CCDC127: variants seen among roughly 807,000 people sequenced by gnomAD.
The protein encoded by CCDC127 is coiled-coil domain containing 127.
In CCDC127, 2 loss-of-function variants were observed where a neutral mutation model predicts 4.1. That is an observed-to-expected ratio of 0.49 (90% CI 0.20 to 1.53). The LOEUF is 1.53. Ranked by LOEUF, CCDC127 falls within the 40% of genes most tolerant of loss-of-function variation. The pLI is 0.23. For synonymous variants in CCDC127, 98 were observed against 120.4 expected (o/e 0.81, Z 1.22); for missense variants, 271 against 322.9 (o/e 0.84, Z 1.23).
At chr5:206,045 A>G in intron 2 of CCDC127, 87 bp from the exon 3 acceptor site, 1 of 1,240,750 alleles carries the variant, frequency 8.1e-7, no homozygotes, top group Non-Finnish European at 1.1e-6. Flanking sequence ...GCAGCTAAGG[A>G]TAGTGTTTCA....
rs1734017653 is a variant in CCDC127 at position 198,894 on chromosome 5, A to G, written c.*6403T>C. 1 of 152,284 alleles carries G rather than the reference A, an allele frequency of 6.6e-6. No individual in the cohort carries two copies. The highest frequency in any genetic ancestry group is 1.5e-5 in the Non-Finnish European group (1 of 68,056). The allele number at this position is 152,284 out of a possible 1,614,324, so 9.4% of individuals were successfully genotyped here. A position where few individuals can be genotyped will look rare whatever the true frequency, so the allele number is the denominator to read the frequency against. On this transcript the variant is annotated 3_prime_UTR_variant, in exon 3 of 3. Coordinates refer to ENST00000296824, the MANE Select transcript of CCDC127 (RefSeq NM_145265.3). ...TCCCACACAAGACAAGCTAGTGGGA[A>G]TCAGGCAAAACCATTCAGCAGGTGA...
chr5:216,299 G>T (rs1275270995), intron 2 of CCDC127: 4 of 223,664 alleles, frequency 1.8e-5, no homozygotes, highest in Non-Finnish European at 3.6e-5. Flanking sequence ...GCCTCGCAGA[G>T]TGCTGGGGTT....
At position 202,411 on chromosome 5, in the gene CCDC127, CCT is replaced by C. The variant is rs530910601; in HGVS notation, c.*2884_*2885del. 2.0e-5 allele frequency: 3 copies of C among 152,270 alleles called. No homozygotes were observed. The highest frequency in any genetic ancestry group is 4.8e-5 in the African/African-American group (2 of 41,438). 9.4% of individuals were successfully genotyped at this position (152,270 alleles called of 1,614,324 possible). A position where few individuals can be genotyped will look rare whatever the true frequency, so the allele number is the denominator to read the frequency against. ...GCCATCCTGGCCAACATGGTGAAAC[CCT>C]GTCTCTACTAAACATACAAAAATTA... is the stretch of plus-strand genomic sequence containing the variant. On this transcript the variant is annotated 3_prime_UTR_variant, in exon 3 of 3. Transcript: ENST00000296824.
rs1484153169 is a variant in CCDC127 at position 202,498 on chromosome 5, C to T, written c.*2799G>A. On this transcript the variant is annotated 3_prime_UTR_variant, in exon 3 of 3. Coordinates refer to ENST00000296824, the MANE Select transcript of CCDC127 (RefSeq NM_145265.3). ...TACTCGGGAGGCTGAGGCAGGCAAA[C>T]TACTCGAACCCGGGAGGCAGAGCTT... 1 of 152,286 alleles carries T rather than the reference C, an allele frequency of 6.6e-6. No individual in the cohort carries two copies. The highest frequency in any genetic ancestry group is 1.5e-5 in the Non-Finnish European group (1 of 68,142). The allele number at this position is 152,286 out of a possible 1,614,324, so 9.4% of individuals were successfully genotyped here. A position where few individuals can be genotyped will look rare whatever the true frequency, so the allele number is the denominator to read the frequency against.
At position 196,942 on chromosome 5, in the gene CCDC127, G is replaced by A. The variant is rs1311489568; in HGVS notation, c.*8355C>T. The A allele has an allele frequency of 1.4e-5, 1 of 73,612 alleles. No individual in the cohort carries two copies. The highest frequency in any genetic ancestry group is 3.6e-5 in the Non-Finnish European group (1 of 27,724). The allele number at this position is 73,612 out of a possible 1,614,324, so 4.6% of individuals were successfully genotyped here. The stretch of plus-strand genomic sequence containing the variant: ...GACCTGCACTGGCACCGGCCTCTGA[G>A]TTCCCTCAGTTTTTATTATTATTTT... On this transcript the variant is annotated 3_prime_UTR_variant, in exon 3 of 3. Transcript: ENST00000296824.
Position 200,844 on chromosome 5 carries a change from ACAGCAGGC to A in CCDC127, c.*4445_*4452del, listed in dbSNP as rs1734062120. The stretch of plus-strand genomic sequence containing the variant: ...ACGGAGCAAGCCCAGCACTTTCTAC[ACAGCAGGC>A]TGCCCCCATCACAGCCAGCCAGCGT... On this transcript the variant is annotated 3_prime_UTR_variant, in exon 3 of 3. Transcript: ENST00000296824. 1 of 151,670 alleles carries A rather than the reference ACAGCAGGC, an allele frequency of 6.6e-6. No individual in the cohort carries two copies. The highest frequency in any genetic ancestry group is 1.5e-5 in the Non-Finnish European group (1 of 68,216). The allele number at this position is 151,670 out of a possible 1,614,324, so 9.4% of individuals were successfully genotyped here.
chr5:208,125 G>A (rs533242366), intron 2 of CCDC127, among the ~76,000 whole-genome samples: 7 of 152,198 alleles, frequency 4.6e-5, no homozygotes, highest in South Asian at 4.2e-4. Context: ...CTCAGTTTCC[G>A]GTGAGACTCC....
At chr5:207,591 G>C (rs898662926) in intron 2 of CCDC127, among the ~76,000 whole-genome samples, 14 of 152,342 alleles carry the variant, frequency 9.2e-5, no homozygotes, top group Non-Finnish European at 1.5e-4. Context: ...CGGAGAGTGA[G>C]AGCTTCCAGG....
rs9687277 is a variant in CCDC127 at position 204,360 on chromosome 5, A to T, written c.*937T>A. 1 of 152,316 alleles carries T rather than the reference A, an allele frequency of 6.6e-6. No individual in the cohort carries two copies. Among genetic ancestry groups the T allele is most frequent in the African/African-American group, 2.4e-5 (1 of 41,538 alleles). 9.4% of individuals were successfully genotyped at this position (152,316 alleles called of 1,614,324 possible). ...ATACTCACTTCACAGGATTCGACTG[A>T]GGATTCCATGAGTGAACAGGTATAC... On this transcript the variant is annotated 3_prime_UTR_variant, in exon 3 of 3. Transcript: ENST00000296824.
chr5:210,522 A>G (rs1162449142), intron 2 of CCDC127, among the ~76,000 whole-genome samples: 1 of 152,256 alleles, frequency 6.6e-6, no homozygotes, highest in Admixed American at 6.5e-5. Flanking sequence ...GCTGATGGCA[A>G]TGAGCACGTG....
intron 2 of CCDC127, among the ~76,000 whole-genome samples, chr5:206,721 C>T (rs760060194): frequency 3.8e-4 from 58 of 152,220 alleles, no homozygotes; most frequent in Non-Finnish European, 4.4e-4. Flanking sequence ...ATCCACATTC[C>T]GAACTGATGC....
chr5:205,289 CTCTTG>C lies in CCDC127; in HGVS notation c.*3_*7del. Reference sequence around the variant, plus strand: ...AGTCACTAAAAGCAGTTTGATTTCACTCTTGTCTTACTTTTCTAGTATGGCTTCCT... The same window carrying C: ...AGTCACTAAAAGCAGTTTGATTTCACTCTTACTTTTCTAGTATGGCTTCCT... On this transcript the variant is annotated 3_prime_UTR_variant, in exon 3 of 3. Transcript: ENST00000296824. 1 of 1,596,676 alleles carries C rather than the reference CTCTTG, an allele frequency of 6.3e-7. No individual in the cohort carries two copies. The highest frequency in any genetic ancestry group is 1.3e-5 in the African/African-American group (1 of 74,536).
intron 2 of CCDC127, among the ~76,000 whole-genome samples, chr5:207,797 C>G (rs1429130846): frequency 1.3e-5 from 2 of 152,096 alleles, no homozygotes; most frequent in Non-Finnish European, 2.9e-5. Context: ...GGAGGTGGGG[C>G]TGCGAGGGGT....
At position 197,201 on chromosome 5, in the gene CCDC127, C is replaced by T. The variant is rs921667280; in HGVS notation, c.*8096G>A. ...TGTCTCGCCTCCCGCCACAAGGCGGCTTTTCTCCTGTCTCAGAGTTGAACA... is the reference window on the plus strand; with the variant it reads ...TGTCTCGCCTCCCGCCACAAGGCGGTTTTTCTCCTGTCTCAGAGTTGAACA... On this transcript the variant is annotated 3_prime_UTR_variant, in exon 3 of 3. Coordinates refer to ENST00000296824, the MANE Select transcript of CCDC127 (RefSeq NM_145265.3). 23 of 152,340 alleles carry T rather than the reference C, an allele frequency of 1.5e-4. No homozygotes were observed. Among genetic ancestry groups the T allele is most frequent in the Middle Eastern group, 6.8e-3 (2 of 294 alleles). 9.4% of individuals were successfully genotyped at this position (152,340 alleles called of 1,614,324 possible).
intron 2 of CCDC127, among the ~76,000 whole-genome samples, chr5:207,038 TCCC>T (rs1490121482): frequency 3.3e-5 from 5 of 152,124 alleles, no homozygotes; most frequent in Admixed American, 2.0e-4. Context: ...TCCTGCTGCC[TCCC>T]CCAACCCAGG....
intron 2 of CCDC127, among the ~76,000 whole-genome samples, chr5:213,403 G>C (rs1413101829): frequency 5.1e-5 from 5 of 98,948 alleles, no homozygotes; most frequent in Non-Finnish European, 7.7e-5. Flanking sequence ...CACCCATCAT[G>C]ATGGGGCAGA....
At chr5:217,557 T>C (rs1427097430) in intron 1 of CCDC127, among the ~76,000 whole-genome samples, 5 of 151,492 alleles carry the variant, frequency 3.3e-5, no homozygotes, top group African/African-American at 1.2e-4. Flanking sequence ...GTTTGAAGAG[T>C]GAGCAGCATT....
rs1734459726 is a variant in CCDC127 at position 217,964 on chromosome 5, C to A, written c.-11+129G>T. On this transcript the variant is annotated intron_variant, in intron 1 of 2. Coordinates refer to ENST00000296824, the MANE Select transcript of CCDC127 (RefSeq NM_145265.3). Reference sequence around the variant, plus strand: ...TCCCGCCCACCTCCGCGGACGAGCGCCCCCCTCCGACCCCATTCCCTGCGG... The same window carrying A: ...TCCCGCCCACCTCCGCGGACGAGCGACCCCCTCCGACCCCATTCCCTGCGG... 7 of 432,876 alleles carry A rather than the reference C, an allele frequency of 1.6e-5. No homozygotes were observed. The South Asian group carries it at 7.2e-4, about 44-fold the overall frequency. The allele number at this position is 432,876 out of a possible 1,614,324, so 26.8% of individuals were successfully genotyped here.
chr5:208,452 C>T (rs913420694), intron 2 of CCDC127, among the ~76,000 whole-genome samples: 9 of 152,238 alleles, frequency 5.9e-5, no homozygotes, highest in African/African-American at 1.9e-4. Flanking sequence ...GAAAATGTTC[C>T]GACAGTAATC....
Sources: gnomAD v4.1 joint callset for allele counts (sites outside exome capture counted in the v4.1 genomes callset) on GRCh38, gnomAD v4.1.1 for gene constraint, MANE v1.5 for transcripts, NCBI Gene and HGNC (gene_info 2026-07-23, HGNC 2026-07-21) for gene names.